Variants in PRKAR1A observed in about 807,000 individuals in gnomAD.
PRKAR1A encodes protein kinase cAMP-dependent type I regulatory subunit alpha.
In PRKAR1A, 3 loss-of-function variants were observed where a neutral mutation model predicts 52.0. That is an observed-to-expected ratio of 0.06 (90% CI 0.03 to 0.15). The LOEUF is 0.15. PRKAR1A is among the 10% of genes least tolerant of loss of function. The pLI, the probability that PRKAR1A is intolerant of heterozygous loss-of-function variation, is 1.00. For missense variants in PRKAR1A, 240 were observed against 477.4 expected, an observed-to-expected ratio of 0.50 and a Z score of 4.63; for synonymous variants, 188 against 168.4, an observed-to-expected ratio of 1.12 and a Z score of -0.90.
the PRKAR1A span, chr17:68,433,331 C>T: frequency 7.6e-4 from 638 of 837,120 alleles, no homozygotes; most frequent in Non-Finnish European, 8.5e-4. Context: ...CTAACACACA[C>T]TCCATCACTT....
At chr17:68,551,252 T>C in exon 12 of PRKAR1A, 1 of 744,170 alleles carries the variant, frequency 1.3e-6, no homozygotes, top group Non-Finnish European at 1.9e-6. Context: ...TCTCTATGTT[T>C]CACAAAATTT....
the PRKAR1A span, among the ~76,000 whole-genome samples, chr17:68,473,280 C>T: frequency 6.6e-6 from 1 of 152,090 alleles, no homozygotes; most frequent in Admixed American, 6.5e-5. Context: ...TGGCTCTTCA[C>T]ACCTGTAATC....
chr17:68,437,956 A>AAAAAAAAAAAAC, the PRKAR1A span, among the ~76,000 whole-genome samples: 1 of 75,712 alleles, frequency 1.3e-5, no homozygotes, highest in Non-Finnish European at 2.8e-5. Flanking sequence ...CTTAAAAAAA[A>AAAAAAAAAAAAC]AAAAAAAAAA....
intron 11 of PRKAR1A, among the ~76,000 whole-genome samples, chr17:68,544,494 G>C (rs530341918): frequency 1.3e-5 from 2 of 152,188 alleles, no homozygotes; most frequent in East Asian, 1.9e-4. Flanking sequence ...GATGATCTTC[G>C]AATAATTTTA....
At chr17:68,426,251 G>GGGGGGGGGGGGGT in the PRKAR1A span, 10 of 825,458 alleles carry the variant, frequency 1.2e-5, 3 homozygotes, top group Non-Finnish European at 1.3e-5. Flanking sequence ...GTGGGGAGCG[G>GGGGGGGGGGGGGT]GGGCTCAAAT....
At chr17:68,463,077 C>A in the PRKAR1A span, among the ~76,000 whole-genome samples, 1 of 152,084 alleles carries the variant, frequency 6.6e-6, no homozygotes, top group African/African-American at 2.4e-5. Flanking sequence ...GAATCAGTCA[C>A]CCCTGGGAAG....
the PRKAR1A span, among the ~76,000 whole-genome samples, chr17:68,455,416 A>C: frequency 1.3e-5 from 2 of 152,036 alleles, no homozygotes; most frequent in African/African-American, 4.8e-5. Context: ...CCAATCACGA[A>C]GTATGAGCGT....
At chr17:68,529,683 C>A (rs2085906252) in intron 9 of PRKAR1A, among the ~76,000 whole-genome samples, 1 of 152,228 alleles carries the variant, frequency 6.6e-6, no homozygotes, top group Admixed American at 6.5e-5. Context: ...AGCCCTTCAT[C>A]TACAGTTTGC....
At position 68,527,789 on chromosome 17, in the gene PRKAR1A, G is replaced by A. The variant is rs756876893; in HGVS notation, c.709-51G>A. On this transcript the variant is annotated intron_variant, in intron 7 of 10. Coordinates refer to ENST00000589228, the MANE Select transcript of PRKAR1A (RefSeq NM_002734.5). ...TATTTATTATTCCATAGCATTATGTGGTGATAATTACACGTCTTGGGGATA... is the reference window on the plus strand; with the variant it reads ...TATTTATTATTCCATAGCATTATGTAGTGATAATTACACGTCTTGGGGATA... 2.2e-6 allele frequency: 3 copies of A among 1,365,082 alleles called. No individual in the cohort carries two copies. The African/African-American group carries it at 4.3e-5, about 20-fold the overall frequency. The allele number at this position is 1,365,082 out of a possible 1,614,324, so 84.6% of individuals were successfully genotyped here. A position where few individuals can be genotyped will look rare whatever the true frequency, so the allele number is the denominator to read the frequency against.
chr17:68,452,858 G>T, the PRKAR1A span: 1 of 1,540,402 alleles, frequency 6.5e-7, no homozygotes, highest in African/African-American at 1.4e-5. Flanking sequence ...AAGCCTAGAA[G>T]GAGGCTCTGG....
At chr17:68,520,788 A>C (rs2085580851) in intron 2 of PRKAR1A, among the ~76,000 whole-genome samples, 1 of 152,202 alleles carries the variant, frequency 6.6e-6, no homozygotes, top group African/African-American at 2.4e-5. Context: ...TTCAAAATTA[A>C]TCTTAAAAAT....
downstream of PRKAR1A, chr17:68,537,252 G>C: frequency 1.4e-6 from 1 of 694,682 alleles, no homozygotes; most frequent in Non-Finnish European, 2.6e-6. This position sits in a 1 kb window ranked among gnomAD's most constrained non-coding sequence, Gnocchi z 4.2. Flanking sequence ...TGAAGCCAGT[G>C]CTTTTTGGGA....
the PRKAR1A span, among the ~76,000 whole-genome samples, chr17:68,445,212 G>A: frequency 2.6e-5 from 4 of 152,178 alleles, no homozygotes; most frequent in South Asian, 8.3e-4. Context: ...GAGCCACCGC[G>A]TTCAACAGGA....
Position 68,542,277 on chromosome 17 carries a change from G to A in PRKAR1A, c.974-8807G>A, listed in dbSNP as rs2302235. The A allele has an allele frequency of 0.14, 158,675 of 1,154,794 alleles. 11,457 individuals carry two copies. The highest frequency in any genetic ancestry group is 0.19 in the South Asian group (14,401 of 75,168). The allele number at this position is 1,154,794 out of a possible 1,614,324, so 71.5% of individuals were successfully genotyped here. A position where few individuals can be genotyped will look rare whatever the true frequency, so the allele number is the denominator to read the frequency against. ...AAGGGAAACCCTGAACTCACAGCTC[G>A]GGAAGAGAAAGAAGAAGAAGGAAAC... On this transcript the variant is annotated intron_variant, in intron 11 of 11. Coordinates refer to the PRKAR1A transcript ENST00000585981.
chr17:68,514,061 CGTTTTT>C (rs753095510), intron 1 of PRKAR1A, among the ~76,000 whole-genome samples: 4 of 152,146 alleles, frequency 2.6e-5, no homozygotes, highest in East Asian at 3.9e-4. Flanking sequence ...AGTAAATGCG[CGTTTTT>C]GTTTTTGTTT....
downstream of PRKAR1A, chr17:68,536,044 C>A (rs1385044044): frequency 2.4e-5 from 11 of 453,976 alleles, no homozygotes; most frequent in Admixed American, 2.6e-4. Flanking sequence ...AGTGCCTCAC[C>A]TGGTCAGATC....
At chr17:68,455,517 C>T in the PRKAR1A span, among the ~76,000 whole-genome samples, 14 of 152,182 alleles carry the variant, frequency 9.2e-5, no homozygotes, top group African/African-American at 3.4e-4. Flanking sequence ...AAAGACATGG[C>T]AATACACCTA....
At chr17:68,525,466 C>CT (rs1474907692) in intron 6 of PRKAR1A, among the ~76,000 whole-genome samples, 2 of 152,198 alleles carry the variant, frequency 1.3e-5, no homozygotes, top group Non-Finnish European at 2.9e-5. Flanking sequence ...GCACGGTTCT[C>CT]TAAGTATCTG....
At chr17:68,495,474 TCA>T in the PRKAR1A span, among the ~76,000 whole-genome samples, 2 of 152,216 alleles carry the variant, frequency 1.3e-5, no homozygotes, top group Non-Finnish European at 2.9e-5. Context: ...CACCTGTCTA[TCA>T]CACCACCAGC....
Sources: allele counts gnomAD v4.1 joint callset (sites outside exome capture counted in the v4.1 genomes callset), GRCh38; gene constraint gnomAD v4.1.1; non-coding constraint Gnocchi (gnomAD v3.1); transcripts MANE v1.5; gene names NCBI Gene and HGNC (gene_info 2026-07-23, HGNC 2026-07-21).